NT5E: variants seen among roughly 807,000 people sequenced by gnomAD.
NT5E encodes 5'-nucleotidase.
NT5E carries 53 observed loss-of-function variants against 55.1 expected under a neutral mutation model. That is an observed-to-expected ratio of 0.96 (90% CI 0.77 to 1.21). The LOEUF is 1.21. Ranked by LOEUF, NT5E falls within the 50% of genes most tolerant of loss-of-function variation. The pLI is 0.00. For missense variants in NT5E, 683 were observed against 724.3 expected, an observed-to-expected ratio of 0.94 and a Z score of 0.65; for synonymous variants, 270 against 278.4, an observed-to-expected ratio of 0.97 and a Z score of 0.30.
At chr6:85,485,501 A>AT (rs2127724381) in intron 4 of NT5E, 69 bp downstream of exon 4, 3 of 1,455,926 alleles carry the variant, frequency 2.1e-6, no homozygotes, top group South Asian at 2.3e-5. Flanking sequence ...GCTCCTTCCC[A>AT]TTTTTTTCCT....
At chr6:85,472,548 G>A (rs1304753757) in intron 3 of NT5E, among the ~76,000 whole-genome samples, 1 of 152,190 alleles carries the variant, frequency 6.6e-6, no homozygotes, top group Non-Finnish European at 1.5e-5. Flanking sequence ...AGGTCACTTA[G>A]CACCTCTGAA....
chr6:85,474,372 G>GAA (rs1769383039), intron 3 of NT5E, among the ~76,000 whole-genome samples: 1 of 152,180 alleles, frequency 6.6e-6, no homozygotes, highest in Non-Finnish European at 1.5e-5. Flanking sequence ...AAAACCCACA[G>GAA]TTAGAGACAG....
At chr6:85,490,375 G>T in intron 6 of NT5E, 133 bp from the exon 7 acceptor site, 2 of 1,037,134 alleles carry the variant, frequency 1.9e-6, no homozygotes, top group Non-Finnish European at 3.0e-6. Context: ...GAACCACTTA[G>T]ACATAGCTAA....
intron 3 of NT5E, among the ~76,000 whole-genome samples, chr6:85,480,681 C>G (rs973014775): frequency 6.6e-6 from 1 of 152,156 alleles, no homozygotes; most frequent in East Asian, 1.9e-4. Context: ...CCAGCTCTAC[C>G]AGGGTGCAGC....
intron 3 of NT5E, among the ~76,000 whole-genome samples, chr6:85,474,531 ATACT>A (rs1259155484): frequency 6.6e-6 from 1 of 152,242 alleles, no homozygotes; most frequent in Non-Finnish European, 1.5e-5. Flanking sequence ...GAGATAACTA[ATACT>A]TAGTCATTTA....
chr6:85,452,540 A>T (rs1367614529), intron 1 of NT5E, among the ~76,000 whole-genome samples: 2 of 152,136 alleles, frequency 1.3e-5, no homozygotes, highest in African/African-American at 2.4e-5. Context: ...TTGGGTTCTG[A>T]GGAAAAATAG....
chr6:85,476,255 C>G (rs1423264313), intron 3 of NT5E, among the ~76,000 whole-genome samples: 1 of 152,230 alleles, frequency 6.6e-6, no homozygotes, highest in African/African-American at 2.4e-5. Flanking sequence ...CAGGCTGAGA[C>G]TTGATTATCT....
intron 3 of NT5E, among the ~76,000 whole-genome samples, chr6:85,480,895 A>C (rs993538443): frequency 3.3e-5 from 5 of 152,188 alleles, no homozygotes; most frequent in African/African-American, 1.2e-4. Context: ...TCCAGAAACC[A>C]GACTGAAACT....
At chr6:85,472,389 T>A (rs534493879) in intron 3 of NT5E, among the ~76,000 whole-genome samples, 1 of 152,388 alleles carries the variant, frequency 6.6e-6, no homozygotes, top group South Asian at 2.1e-4. Flanking sequence ...AAGTAATTTT[T>A]ATTTTCTTTC....
intron 1 of NT5E, among the ~76,000 whole-genome samples, chr6:85,463,685 G>A (rs1159636748): frequency 1.3e-5 from 2 of 152,072 alleles, no homozygotes; most frequent in African/African-American, 2.4e-5. Flanking sequence ...TAATAGAAAC[G>A]AATAAACTAG....
At chr6:85,467,523 A>G (rs1393084553) in intron 2 of NT5E, among the ~76,000 whole-genome samples, 1 of 152,192 alleles carries the variant, frequency 6.6e-6, no homozygotes, top group East Asian at 1.9e-4. Context: ...TGTCTAATTC[A>G]GTGCTTTCAA....
At chr6:85,484,435 GTGGT>G in intron 3 of NT5E, among the ~76,000 whole-genome samples, 1 of 152,296 alleles carries the variant, frequency 6.6e-6, no homozygotes, top group South Asian at 2.1e-4. Context: ...ACTCCAGGCA[GTGGT>G]GGGCCTCCTA....
chr6:85,487,993 A>G (rs1769702208), intron 5 of NT5E, among the ~76,000 whole-genome samples: 1 of 152,200 alleles, frequency 6.6e-6, no homozygotes, highest in Non-Finnish European at 1.5e-5. Context: ...ATATCAACAT[A>G]ATAGATAAAA....
chr6:85,463,328 G>T (rs937221623), intron 1 of NT5E, among the ~76,000 whole-genome samples: 3 of 152,148 alleles, frequency 2.0e-5, no homozygotes, highest in Non-Finnish European at 4.4e-5. Flanking sequence ...GAATGAATGA[G>T]CTCAATCTTA....
intron 3 of NT5E, 69 bp from the exon 4 acceptor site, chr6:85,485,166 C>A: frequency 6.9e-7 from 1 of 1,452,538 alleles, no homozygotes; most frequent in Non-Finnish European, 9.6e-7. Flanking sequence ...CAGCCAGTAG[C>A]CCGCTGGCCT....
At chr6:85,470,737 T>C (rs1489827913) in intron 2 of NT5E, among the ~76,000 whole-genome samples, 2 of 152,254 alleles carry the variant, frequency 1.3e-5, no homozygotes, top group Non-Finnish European at 2.9e-5. Flanking sequence ...CCACTGTGCC[T>C]GGCCTGCTGG....
chr6:85,450,089 C>A lies in NT5E; in HGVS notation c.-51C>A, dbSNP rs1481083926. 6.9e-7 allele frequency: 1 copy of A among 1,459,540 alleles called. No homozygotes were observed. The highest frequency in any genetic ancestry group is 9.3e-7 in the Non-Finnish European group (1 of 1,080,228). The allele number at this position is 1,459,540 out of a possible 1,614,324, so 90.4% of individuals were successfully genotyped here. ...GCCCTAGCTGCTCGCCCCTACTCGCCGGCACTCGCCCGGCTCGCCCGCTTT... is the reference window on the plus strand; with the variant it reads ...GCCCTAGCTGCTCGCCCCTACTCGCAGGCACTCGCCCGGCTCGCCCGCTTT... On this transcript the variant is annotated 5_prime_UTR_variant, in exon 1 of 9. Transcript: ENST00000257770. This position sits in a 1 kb window ranked among gnomAD's most constrained non-coding sequence, Gnocchi z 4.0.
intron 3 of NT5E, 104 bp downstream of exon 3, chr6:85,471,529 T>A: frequency 1.3e-6 from 1 of 766,618 alleles, no homozygotes; most frequent in Non-Finnish European, 2.1e-6. Context: ...ATTTAATATG[T>A]AATGTATATT....
chr6:85,475,320 A>AT (rs1008542482), intron 3 of NT5E, among the ~76,000 whole-genome samples: 2 of 152,136 alleles, frequency 1.3e-5, no homozygotes, highest in African/African-American at 4.8e-5. Flanking sequence ...GCTTGCTCAT[A>AT]TTTTTTTAAA....
Sources: allele counts gnomAD v4.1 joint callset (sites outside exome capture counted in the v4.1 genomes callset), GRCh38; gene constraint gnomAD v4.1.1; non-coding constraint Gnocchi (gnomAD v3.1); transcripts MANE v1.5; gene names NCBI Gene and HGNC (gene_info 2026-07-23, HGNC 2026-07-21).